The following ZC3HAV1 variants were observed in gnomAD, a reference collection of about 807,000 sequenced individuals.
ZC3HAV1 encodes the protein zinc finger CCCH-type containing, antiviral 1, also known as zinc finger CCCH-type antiviral protein 1.
In ZC3HAV1, 41 loss-of-function variants were observed where a neutral mutation model predicts 86.6. The observed-to-expected ratio is 0.47, with a 90% CI of 0.37 to 0.61. ZC3HAV1 has a LOEUF of 0.61. Among genes scored for constraint, ZC3HAV1 ranks in the 20% least tolerant of loss-of-function variants. The pLI, the probability that ZC3HAV1 is intolerant of heterozygous loss-of-function variation, is 0.00. For synonymous variants in ZC3HAV1, 421 were observed against 432.1 expected (o/e 0.97, Z 0.32); for missense variants, 964 against 1,141.1 (o/e 0.84, Z 2.24).
chr7:139,053,862 T>C, intron 11 of ZC3HAV1, 103 bp downstream of exon 11: 1 of 1,337,570 alleles, frequency 7.5e-7, no homozygotes, highest in South Asian at 1.4e-5. Flanking sequence ...CTAAAGGAAC[T>C]GTTAACTACT....
chr7:139,084,955 A>C (rs979080301), intron 2 of ZC3HAV1, among the ~76,000 whole-genome samples: 6 of 152,224 alleles, frequency 3.9e-5, no homozygotes, highest in African/African-American at 1.4e-4. Context: ...CCCACTAGCA[A>C]TGATTTTGCC....
intron 1 of ZC3HAV1, among the ~76,000 whole-genome samples, chr7:139,094,497 TAAAAAA>T (rs34388465): frequency 3.1e-5 from 4 of 129,512 alleles, no homozygotes; most frequent in Non-Finnish European, 5.1e-5. Flanking sequence ...GGTGATAACT[TAAAAAA>T]AAAAAAAAAA....
At chr7:139,062,295 G>T (rs1263462520) in intron 8 of ZC3HAV1, among the ~76,000 whole-genome samples, 1 of 151,860 alleles carries the variant, frequency 6.6e-6, no homozygotes, top group Non-Finnish European at 1.5e-5. Flanking sequence ...AATCTTCCCG[G>T]GACCTCCGCC....
At position 139,047,328 on chromosome 7, in the gene ZC3HAV1, CAAAAAA is replaced by C. The variant is rs367919128; in HGVS notation, c.*260_*265del. On this transcript the variant is annotated 3_prime_UTR_variant, in exon 13 of 13. Transcript: ENST00000242351. ...TGGACGATGGAGTGAGATTCAGTCT[CAAAAAA>C]AAAAAAAAAAAAAAAAATACAACTG... is the stretch of plus-strand genomic sequence containing the variant. The C allele has an allele frequency of 0.41, 106,550 of 258,336 alleles. 13,479 individuals are homozygous for C. Among genetic ancestry groups the C allele is most frequent in the African/African-American group, 0.45 (15,934 of 35,328 alleles). The allele number at this position is 258,336 out of a possible 1,614,324, so 16.0% of individuals were successfully genotyped here.
chr7:139,079,896 G>T lies in ZC3HAV1; in HGVS notation c.1045C>A (p.Leu349Ile). ...LLHGNPGSTY[L>I]ASNSTSAPNW... ...GGGGCTGATGTTGAATTGGAAGCAA[G>T]GTAAGTGCTGCCTGGATTTCCATGC... The change falls in exon 4 of 13, where the codon CTT (leucine) becomes ATT (isoleucine). Residue 349 changes from leucine (L) to isoleucine (I), a missense_variant. Coordinates refer to ENST00000242351, the MANE Select transcript of ZC3HAV1 (RefSeq NM_020119.4). 1 of 1,614,174 alleles carries T rather than the reference G, an allele frequency of 6.2e-7. No individual in the cohort carries two copies. Among genetic ancestry groups the T allele is most frequent in the South Asian group, 1.1e-5 (1 of 91,086 alleles).
chr7:139,056,176 A>G (rs564184068), intron 9 of ZC3HAV1, among the ~76,000 whole-genome samples: 1 of 152,250 alleles, frequency 6.6e-6, no homozygotes, highest in Admixed American at 6.5e-5. Flanking sequence ...TTTGAGACAG[A>G]GTTTCACTCT....
chr7:139,073,929 T>G lies in ZC3HAV1; in HGVS notation c.1799A>C (p.Asn600Thr). Reference sequence around the variant, plus strand: ...AATCCATTTGGTGGTGAAGACAGAATTGGCTGGCTTGGTGACAGAAGAAGG... The same window carrying G: ...AATCCATTTGGTGGTGAAGACAGAAGTGGCTGGCTTGGTGACAGAAGAAGG... The part of the protein sequence containing the change: ...STPSSVTKPA[N>T]SVFTTKWIWY... The change falls in exon 7 of 13, where the codon AAT (asparagine) becomes ACT (threonine). Residue 600 changes from asparagine to threonine, a missense_variant. Physicochemically the swap from Asn to Thr is moderately conservative, Grantham distance 65. Transcript: ENST00000242351. 6.2e-7 allele frequency: 1 copy of G among 1,614,014 alleles called. No homozygotes were observed. Among genetic ancestry groups the G allele is most frequent in the South Asian group, 1.1e-5 (1 of 91,074 alleles).
intron 7 of ZC3HAV1, among the ~76,000 whole-genome samples, chr7:139,069,930 C>G (rs1010389879): frequency 6.6e-6 from 1 of 152,168 alleles, no homozygotes; most frequent in African/African-American, 2.4e-5. Flanking sequence ...TGTACGCTGG[C>G]TCAAGGCAGG....
At chr7:139,084,100 C>A in intron 2 of ZC3HAV1, 68 bp from the exon 3 acceptor site, 1 of 1,570,322 alleles carries the variant, frequency 6.4e-7, no homozygotes, top group Non-Finnish European at 8.7e-7. Flanking sequence ...TTCATTAAGG[C>A]AAGCTCACGT....
intron 1 of ZC3HAV1, among the ~76,000 whole-genome samples, chr7:139,105,903 G>A (rs942375389): frequency 3.3e-5 from 5 of 151,812 alleles, no homozygotes; most frequent in Non-Finnish European, 7.4e-5. Context: ...ATGTTTTCTA[G>A]GACCCGAGGA....
rs1033008685 is a variant in ZC3HAV1, at chr7:139,046,827, G to A, written c.*767C>T. 1.3e-5 allele frequency: 2 copies of A among 152,072 alleles called. No individual in the cohort carries two copies. The highest frequency in any genetic ancestry group is 4.8e-5 in the African/African-American group (2 of 41,400). The allele number at this position is 152,072 out of a possible 1,614,324, so 9.4% of individuals were successfully genotyped here. A position where few individuals can be genotyped will look rare whatever the true frequency, so the allele number is the denominator to read the frequency against. On this transcript the variant is annotated 3_prime_UTR_variant, in exon 13 of 13. Transcript: ENST00000242351. ...GCTGTAATGTCTTACATCCTTAATA[G>A]GCATGATTAGATTTCTCCCAAATTT...
chr7:139,062,297 A>G (rs994700129), intron 8 of ZC3HAV1, among the ~76,000 whole-genome samples: 3 of 151,710 alleles, frequency 2.0e-5, no homozygotes, highest in Non-Finnish European at 4.4e-5. Context: ...TCTTCCCGGG[A>G]CCTCCGCCTA....
intron 1 of ZC3HAV1, among the ~76,000 whole-genome samples, chr7:139,101,472 A>C: frequency 8.9e-6 from 1 of 112,664 alleles, no homozygotes; most frequent in East Asian, 2.4e-4. Context: ...CTGGGATGTG[A>C]GGAGCGCCTC....
intron 12 of ZC3HAV1, among the ~76,000 whole-genome samples, chr7:139,051,952 A>G (rs1398946139): frequency 6.6e-6 from 1 of 152,042 alleles, no homozygotes; most frequent in Non-Finnish European, 1.5e-5. Flanking sequence ...TTTCCTAAAG[A>G]TGACTGATTC....
intron 7 of ZC3HAV1, among the ~76,000 whole-genome samples, chr7:139,072,394 C>T (rs1816801874): frequency 6.6e-6 from 1 of 152,094 alleles, no homozygotes; most frequent in Non-Finnish European, 1.5e-5. Flanking sequence ...CCATGTTGGC[C>T]GGGCTGGTCT....
At chr7:139,054,660 CTG>C (rs1237487817) in intron 10 of ZC3HAV1, among the ~76,000 whole-genome samples, 2 of 152,182 alleles carry the variant, frequency 1.3e-5, no homozygotes, top group Non-Finnish European at 2.9e-5. Context: ...CCAAATGAGA[CTG>C]TGTGTGGCTG....
chr7:139,100,342 G>T (rs1428748729), intron 1 of ZC3HAV1, among the ~76,000 whole-genome samples: 15 of 151,060 alleles, frequency 9.9e-5, no homozygotes, highest in Non-Finnish European at 1.0e-4. Flanking sequence ...CCACCCTAGC[G>T]AACATGGTGA....
At chr7:139,091,384 CG>C (rs1817430198) in intron 1 of ZC3HAV1, among the ~76,000 whole-genome samples, 1 of 152,166 alleles carries the variant, frequency 6.6e-6, no homozygotes, top group South Asian at 2.1e-4. Context: ...AGGAGAATGG[CG>C]TGAACCCGGA....
At chr7:139,053,720 G>A in intron 11 of ZC3HAV1, 139 bp from the exon 12 acceptor site, 2 of 1,201,538 alleles carry the variant, frequency 1.7e-6, no homozygotes, top group Non-Finnish European at 2.3e-6. Flanking sequence ...CTTTAAGGCA[G>A]CAGCTGTACA....
Sources: allele counts gnomAD v4.1 joint callset (sites outside exome capture counted in the v4.1 genomes callset), GRCh38; gene constraint gnomAD v4.1.1; transcripts MANE v1.5; gene names NCBI Gene and HGNC (gene_info 2026-07-23, HGNC 2026-07-21).